NRXN3: variants seen among roughly 807,000 people sequenced by gnomAD.
NRXN3 encodes the protein neurexin 3.
Under a neutral mutation model 137.6 loss-of-function variants are expected in NRXN3, and 32 were observed. That is an observed-to-expected ratio of 0.23 (90% CI 0.18 to 0.31). The LOEUF (loss-of-function observed/expected upper bound fraction) is 0.31, where lower values mean the gene tolerates loss of function less well. Among genes scored for constraint, NRXN3 ranks in the 10% least tolerant of loss-of-function variants. The pLI is 1.00. For missense variants in NRXN3, 1,574 were observed against 2,062.5 expected (o/e 0.76, Z 4.59); for synonymous variants, 798 against 784.5 (o/e 1.02, Z -0.29).
intron 19 of NRXN3, among the ~76,000 whole-genome samples, chr14:79,749,899 G>T (rs1289298592): frequency 1.3e-5 from 2 of 152,216 alleles, no homozygotes; most frequent in East Asian, 3.9e-4. Context: ...CAATAAATTA[G>T]CTATGAAAAC....
At chr14:79,531,284 A>G (rs111446805) in intron 16 of NRXN3, among the ~76,000 whole-genome samples, 4 of 152,296 alleles carry the variant, frequency 2.6e-5, no homozygotes, top group African/African-American at 9.6e-5. Context: ...GATCCACAGA[A>G]GCATTTTGTT....
chr14:79,314,543 C>T (rs531777053), intron 15 of NRXN3, among the ~76,000 whole-genome samples: 1 of 43,826 alleles, frequency 2.3e-5, no homozygotes, highest in African/African-American at 9.7e-5. Flanking sequence ...CCGGGAAGCT[C>T]GAACTGGGTG....
chr14:78,442,635 T>C (rs2094296944), intron 4 of NRXN3, among the ~76,000 whole-genome samples: 1 of 152,198 alleles, frequency 6.6e-6, no homozygotes. Context: ...AATACCAGCA[T>C]GAGGAACCTG....
intron 15 of NRXN3, among the ~76,000 whole-genome samples, chr14:79,054,661 T>A (rs1266791778): frequency 6.6e-6 from 1 of 152,196 alleles, no homozygotes; most frequent in Non-Finnish European, 1.5e-5. Context: ...ATTCTATCTG[T>A]GTATAGCATG....
rs532452668 is a variant in NRXN3, at chr14:79,646,135, A to G, written c.3445-17643A>G. On this transcript the variant is annotated intron_variant, in intron 16 of 20. Coordinates refer to ENST00000335750, the MANE Select transcript of NRXN3 (RefSeq NM_001330195.2). The stretch of plus-strand genomic sequence containing the variant: ...AGGCAACTCTGCCTGAACAAGTAGC[A>G]TCTCCAAAATGACATGTGCACTTTA... 9.6e-5 allele frequency among the ~76,000 whole-genome samples: 13 copies of G among 136,032 alleles called. 1 individual carries two copies. Among genetic ancestry groups the G allele is most frequent in the African/African-American group, 2.2e-4 (9 of 40,896 alleles). 89.2% of individuals were successfully genotyped at this position (136,032 alleles called of 152,430 possible). A position where few individuals can be genotyped will look rare whatever the true frequency, so the allele number is the denominator to read the frequency against.
At chr14:79,300,690 T>G (rs186659865) in intron 15 of NRXN3, among the ~76,000 whole-genome samples, 1 of 151,522 alleles carries the variant, frequency 6.6e-6, no homozygotes, top group Non-Finnish European at 1.5e-5. Flanking sequence ...AAGAACACTT[T>G]CGCTGTATTC....
At chr14:78,790,314 C>T (rs984771820) in intron 8 of NRXN3, among the ~76,000 whole-genome samples, 7 of 152,094 alleles carry the variant, frequency 4.6e-5, no homozygotes, top group African/African-American at 1.7e-4. Flanking sequence ...AAATTGTTGT[C>T]ATCCCTTTAG....
At position 79,396,835 on chromosome 14, in the gene NRXN3, T is replaced by C. The variant is rs74248994; in HGVS notation, c.3263-70386T>C. ...TTTTCAACTACTACATATCTGACCTTGCAGAGGAAATCTTGGAGAGAAAAT... is the reference window on the plus strand; with the variant it reads ...TTTTCAACTACTACATATCTGACCTCGCAGAGGAAATCTTGGAGAGAAAAT... On this transcript the variant is annotated intron_variant, in intron 15 of 20. Coordinates refer to ENST00000335750, the MANE Select transcript of NRXN3 (RefSeq NM_001330195.2). Among the ~76,000 whole-genome samples, 1,328 of 152,316 alleles carry C rather than the reference T, an allele frequency of 8.7e-3. 33 individuals carry two copies. In the East Asian group the frequency reaches 0.099, roughly 11 times the overall value.
chr14:78,223,809 T>C (rs551491537), intron 1 of NRXN3, among the ~76,000 whole-genome samples: 7 of 152,326 alleles, frequency 4.6e-5, no homozygotes, highest in African/African-American at 1.4e-4. Context: ...AATCAGGCAG[T>C]TCCAAGGTAA....
At position 78,446,766 on chromosome 14, in the gene NRXN3, G is replaced by A. The variant is rs76853326; in HGVS notation, c.757+148906G>A. On this transcript the variant is annotated intron_variant, in intron 4 of 20. Transcript: ENST00000335750. Reference sequence around the variant, plus strand: ...TGAGTAGCTGCCCTGGTTAAAGATCGCATTTGCCTCAACCTAAGTTGGGGC... The same window carrying A: ...TGAGTAGCTGCCCTGGTTAAAGATCACATTTGCCTCAACCTAAGTTGGGGC... 6.1e-3 allele frequency among the ~76,000 whole-genome samples: 932 copies of A among 152,308 alleles called. 29 individuals carry two copies. In the East Asian group the frequency reaches 0.066, roughly 11 times the overall value.
intron 10 of NRXN3, among the ~76,000 whole-genome samples, chr14:78,892,730 C>T (rs375156972): frequency 1.3e-5 from 2 of 151,104 alleles, no homozygotes; most frequent in Non-Finnish European, 3.0e-5. Context: ...TATTCTGACA[C>T]AGCAGGCAAC....
chr14:78,908,824 G>A (rs927878333), intron 10 of NRXN3, among the ~76,000 whole-genome samples: 6 of 152,014 alleles, frequency 3.9e-5, no homozygotes, highest in Non-Finnish European at 7.4e-5. Flanking sequence ...GATTCTTTAT[G>A]AAAAGAATGG....
chr14:79,497,991 G>A (rs1288476088), intron 16 of NRXN3, among the ~76,000 whole-genome samples: 1 of 152,116 alleles, frequency 6.6e-6, no homozygotes, highest in African/African-American at 2.4e-5. Flanking sequence ...CCGAGATCAT[G>A]CCACTGCACT....
chr14:79,724,142 A>T (rs552370078), intron 19 of NRXN3, among the ~76,000 whole-genome samples: 1 of 152,222 alleles, frequency 6.6e-6, no homozygotes, highest in African/African-American at 2.4e-5. Context: ...TCTTTAAAAA[A>T]CTTACTAAGC....
intron 16 of NRXN3, among the ~76,000 whole-genome samples, chr14:79,483,784 G>GTGTGT (rs60256221): frequency 2.0e-5 from 3 of 151,810 alleles, no homozygotes; most frequent in African/African-American, 7.3e-5. Flanking sequence ...TGTGTGTGTG[G>GTGTGT]GTGGGTGTGT....
intron 20 of NRXN3, among the ~76,000 whole-genome samples, chr14:79,827,939 G>T (rs1298964019): frequency 2.6e-5 from 4 of 152,142 alleles, no homozygotes; most frequent in Admixed American, 2.6e-4. Context: ...CAAGTGATTT[G>T]CCCGCCTTGG....
At chr14:78,948,328 C>T (rs559500798) in intron 10 of NRXN3, among the ~76,000 whole-genome samples, 62 of 152,332 alleles carry the variant, frequency 4.1e-4, no homozygotes, top group Non-Finnish European at 8.2e-4. Context: ...CCTTCCCCTC[C>T]CCATTCTTTG....
chr14:79,754,969 C>T (rs1274358423), intron 19 of NRXN3, among the ~76,000 whole-genome samples: 1 of 152,124 alleles, frequency 6.6e-6, no homozygotes, highest in Admixed American at 6.6e-5. Context: ...TTGTAAGTTT[C>T]CTGAGGCCTT....
chr14:79,485,907 G>A (rs1011838669), intron 16 of NRXN3, among the ~76,000 whole-genome samples: 11 of 152,128 alleles, frequency 7.2e-5, no homozygotes, highest in African/African-American at 2.4e-4. Context: ...TCCATTAGAT[G>A]CTTGAACGTG....
Sources: gnomAD v4.1 joint callset for allele counts (sites outside exome capture counted in the v4.1 genomes callset) on GRCh38, gnomAD v4.1.1 for gene constraint, MANE v1.5 for transcripts, NCBI Gene and HGNC (gene_info 2026-07-23, HGNC 2026-07-21) for gene names.